Variants in MAP1S observed in about 807,000 individuals in gnomAD.
MAP1S encodes the protein microtubule-associated protein 1S.
Under a neutral mutation model 60.9 loss-of-function variants are expected in MAP1S, and 27 were observed. The ratio of observed to expected loss-of-function variants is 0.44; its 90% CI spans 0.33 to 0.61. MAP1S has a LOEUF of 0.61. Ranked by LOEUF, MAP1S falls within the 20% of genes least tolerant of loss-of-function variation. The pLI is 0.03. For missense variants in MAP1S, 1,608 were observed against 1,486.6 expected (o/e 1.08, Z -1.34); for synonymous variants, 826 against 694.2 (o/e 1.19, Z -2.98).
chr19:17,727,039 AGAAGAC>A lies in MAP1S; in HGVS notation c.1659_1664del (p.Lys553_Thr554del), dbSNP rs1484192468. ...GCAGCCTCTTCTGTGCCCAACCTCA[AGAAGAC>A]GAATGCCCAGGCGGCACCCAAGCCC... On this transcript the variant is annotated inframe_deletion, in exon 5 of 7. Coordinates refer to ENST00000324096, the MANE Select transcript of MAP1S (RefSeq NM_018174.6). The surrounding 1 kb of genome is among the most constrained non-coding windows in gnomAD (Gnocchi z 4.1). 6.2e-7 allele frequency: 1 copy of A among 1,605,794 alleles called. No individual in the cohort carries two copies. The highest frequency in any genetic ancestry group is 8.5e-7 in the Non-Finnish European group (1 of 1,177,154).
At chr19:17,723,815 A>T (rs541570897) in intron 2 of MAP1S, among the ~76,000 whole-genome samples, 179 of 152,258 alleles carry the variant, frequency 1.2e-3, no homozygotes, top group African/African-American at 3.8e-3. Context: ...AGATTGCACC[A>T]CTGCCCTCCA....
chr19:17,731,611 A>T (rs2080494046), intron 5 of MAP1S, among the ~76,000 whole-genome samples: 1 of 152,210 alleles, frequency 6.6e-6, no homozygotes, highest in East Asian at 1.9e-4. Flanking sequence ...GTTCATGTAT[A>T]GAAATTCAAC....
Position 17,727,193 on chromosome 19 carries a change from CCAGCTGGTGGCCACGCCCAGCCTG to C in MAP1S, c.1810_1833del (p.Gln604_Leu611del). On this transcript the variant is annotated inframe_deletion, in exon 5 of 7. Coordinates refer to ENST00000324096, the MANE Select transcript of MAP1S (RefSeq NM_018174.6). The surrounding 1 kb of genome is among the most constrained non-coding windows in gnomAD (Gnocchi z 4.1). ...GTGCAGCCTGCGGCTCTCCGGCCTCCCAGCTGGTGGCCACGCCCAGCCTGGAGCTGGGGCCGATCCCAGCCGGGG... is the reference window on the plus strand; with the variant it reads ...GTGCAGCCTGCGGCTCTCCGGCCTCCGAGCTGGGGCCGATCCCAGCCGGGG... 2 of 1,576,262 alleles carry C rather than the reference CCAGCTGGTGGCCACGCCCAGCCTG, an allele frequency of 1.3e-6. No individual in the cohort carries two copies. The highest frequency in any genetic ancestry group is 2.3e-5 in the South Asian group (2 of 87,360).
At position 17,725,793 on chromosome 19, in the gene MAP1S, C is replaced by T. The variant is rs1238538767; in HGVS notation, c.445-36C>T. On this transcript the variant is annotated intron_variant, in intron 4 of 6. Coordinates refer to ENST00000324096, the MANE Select transcript of MAP1S (RefSeq NM_018174.6). The surrounding 1 kb of genome is among the most constrained non-coding windows in gnomAD (Gnocchi z 4.2). ...TCCCACCGGGCTAGGTGTTGCCTGGCTCTAGGTGGTCCCTTACCACTCCTC... is the reference window on the plus strand; with the variant it reads ...TCCCACCGGGCTAGGTGTTGCCTGGTTCTAGGTGGTCCCTTACCACTCCTC... 3.8e-6 allele frequency: 6 copies of T among 1,582,466 alleles called. No homozygotes were observed. Among genetic ancestry groups the T allele is most frequent in the Non-Finnish European group, 5.2e-6 (6 of 1,164,440 alleles).
At chr19:17,722,804 A>G (rs2080383131) in intron 2 of MAP1S, among the ~76,000 whole-genome samples, 1 of 151,440 alleles carries the variant, frequency 6.6e-6, no homozygotes, top group African/African-American at 2.4e-5. Flanking sequence ...GGAGGGAGAG[A>G]GAGAGAGAAA....
chr19:17,720,769 G>T, intron 1 of MAP1S, 167 bp from the exon 2 acceptor site: 1 of 666,380 alleles, frequency 1.5e-6, no homozygotes, highest in Non-Finnish European at 2.6e-6. Context: ...GGGTCCCCTG[G>T]CTCAGCTGCA....
chr19:17,725,324 C>T lies in MAP1S; in HGVS notation c.444+135C>T. On this transcript the variant is annotated intron_variant, in intron 4 of 6. Coordinates refer to ENST00000324096, the MANE Select transcript of MAP1S (RefSeq NM_018174.6). The surrounding 1 kb of genome is among the most constrained non-coding windows in gnomAD (Gnocchi z 4.2). ...ATCCTCTGTAGGATGGCAGTGGTGA[C>T]ACATGCCTCCTGGCTGTCTGGGGTC... 3.7e-6 allele frequency: 4 copies of T among 1,069,080 alleles called. No homozygotes were observed. The highest frequency in any genetic ancestry group is 5.3e-6 in the Non-Finnish European group (4 of 754,998). 66.2% of individuals were successfully genotyped at this position (1,069,080 alleles called of 1,614,324 possible).
intron 5 of MAP1S, among the ~76,000 whole-genome samples, chr19:17,730,373 G>T (rs1022692609): frequency 6.6e-6 from 1 of 152,180 alleles, no homozygotes; most frequent in Non-Finnish European, 1.5e-5. Flanking sequence ...CTGGAGTGTA[G>T]TGCAAACACA....
At position 17,726,530 on chromosome 19, in the gene MAP1S, C is replaced by T. The variant is rs1164045820; in HGVS notation, c.1146C>T (p.Thr382=). 12 of 1,566,302 alleles carry T rather than the reference C, an allele frequency of 7.7e-6. No homozygotes were observed. The highest frequency in any genetic ancestry group is 4.0e-5 in the African/African-American group (3 of 74,230). The change falls in exon 5 of 7, where the codon ACC becomes ACT. Residue 382 remains threonine, a synonymous_variant. Transcript: ENST00000324096. ...GCGGCCCCGTGCCAGCCAAACCCAC[C>T]GTGCTCTTCGAGAAGATGGGCGTGG... ...LSRGPVPAKP[T]VLFEKMGVGR... is the part of the protein sequence containing the mutation.
chr19:17,724,011 G>T (rs1244372771), intron 2 of MAP1S, 115 bp from the exon 3 acceptor site: 2 of 726,344 alleles, frequency 2.8e-6, no homozygotes, highest in South Asian at 1.6e-5. Context: ...CAGCTCTGCC[G>T]TGCGCCTGTT....
At chr19:17,731,791 G>A (rs927089932) in intron 5 of MAP1S, among the ~76,000 whole-genome samples, 3 of 152,084 alleles carry the variant, frequency 2.0e-5, no homozygotes, top group African/African-American at 4.8e-5. Flanking sequence ...TCTGCCTCCC[G>A]AGTAGCTGGG....
chr19:17,726,276 C>T lies in MAP1S; in HGVS notation c.892C>T (p.Leu298Phe). 1 of 1,606,858 alleles carries T rather than the reference C, an allele frequency of 6.2e-7. No homozygotes were observed. Among genetic ancestry groups the T allele is most frequent in the Non-Finnish European group, 8.5e-7 (1 of 1,177,506 alleles). ...GGTGACCCACCCTGGCGCCGACAGC[C>T]TCCCCGGCCTCAACAGCCTGCTGCG... is the stretch of plus-strand genomic sequence containing the variant. The part of the protein sequence containing the change: ...VLVTHPGADS[L>F]PGLNSLLRRK... Residue 298 changes from leucine to phenylalanine, a missense_variant, in exon 5 of 7, where the codon CTC (leucine) becomes TTC (phenylalanine). This residue lies in a region of MAP1S where 320 missense variants were observed against 393.1 expected (regional missense o/e 0.81). Transcript: ENST00000324096.
chr19:17,725,146 G>C lies in MAP1S; in HGVS notation c.401G>C (p.Gly134Ala), dbSNP rs1254691166. The C allele has an allele frequency of 1.2e-6, 2 of 1,614,104 alleles. No individual in the cohort carries two copies. The highest frequency in any genetic ancestry group is 1.7e-5 in the Admixed American group (1 of 59,994). ...GGGGAGCTGCTGCTACAGACAGGGG[G>C]CTTCTCGCCTCACCACTTCCTCCAG... is the stretch of plus-strand genomic sequence containing the variant. ...ETGELLLQTG[G>A]FSPHHFLQVL... is the part of the protein sequence containing the mutation. Residue 134 changes from glycine (G) to alanine (A), a missense_variant, in exon 4 of 7, where the codon GGC (glycine) becomes GCC (alanine). Coordinates refer to ENST00000324096, the MANE Select transcript of MAP1S (RefSeq NM_018174.6). The surrounding 1 kb of genome is among the most constrained non-coding windows in gnomAD (Gnocchi z 4.2).
intron 2 of MAP1S, among the ~76,000 whole-genome samples, chr19:17,723,439 T>G (rs868151879): frequency 2.4e-4 from 36 of 152,108 alleles, no homozygotes; most frequent in Middle Eastern, 3.4e-3. Context: ...TCCCAGCTAC[T>G]CGGGAGGCTG....
chr19:17,724,087 G>A, intron 2 of MAP1S, 39 bp from the exon 3 acceptor site: 1 of 1,545,576 alleles, frequency 6.5e-7, no homozygotes. Context: ...CACACGGGGA[G>A]GCAGGATTTG....
At position 17,727,029 on chromosome 19, in the gene MAP1S, C is replaced by G; in HGVS notation, c.1645C>G (p.Pro549Ala). 1.2e-6 allele frequency: 2 copies of G among 1,602,726 alleles called. No homozygotes were observed. The highest frequency in any genetic ancestry group is 1.7e-6 in the Non-Finnish European group (2 of 1,175,656). ...REVRRAASSVPNLKKTNAQAA... is the reference protein window; with the variant it reads ...REVRRAASSVANLKKTNAQAA... ...GGTGCGCCGGGCAGCCTCTTCTGTG[C>G]CCAACCTCAAGAAGACGAATGCCCA... Residue 549 changes from proline (P) to alanine (A), a missense_variant, in exon 5 of 7, where the codon CCC (proline) becomes GCC (alanine). This residue lies in a region of MAP1S where 1,167 missense variants were observed against 961.4 expected (regional missense o/e 1.21). Transcript: ENST00000324096. This position sits in a 1 kb window ranked among gnomAD's most constrained non-coding sequence, Gnocchi z 4.1.
Position 17,727,054 on chromosome 19 carries a change from A to C in MAP1S, c.1670A>C (p.Gln557Pro). The C allele has an allele frequency of 6.2e-7, 1 of 1,606,122 alleles. No homozygotes were observed. The highest frequency in any genetic ancestry group is 8.5e-7 in the Non-Finnish European group (1 of 1,177,540). Residue 557 changes from glutamine to proline, a missense_variant, in exon 5 of 7, where the codon CAG (glutamine) becomes CCG (proline). This residue lies in a region of MAP1S where 1,167 missense variants were observed against 961.4 expected (regional missense o/e 1.21). Transcript: ENST00000324096. This position sits in a 1 kb window ranked among gnomAD's most constrained non-coding sequence, Gnocchi z 4.1. ...CCCAACCTCAAGAAGACGAATGCCC[A>C]GGCGGCACCCAAGCCCCGCAAAGCG... ...SVPNLKKTNAQAAPKPRKAPS... is the reference protein window; with the variant it reads ...SVPNLKKTNAPAAPKPRKAPS...
chr19:17,726,843 C>G lies in MAP1S; in HGVS notation c.1459C>G (p.Leu487Val). The change falls in exon 5 of 7, where the codon CTC (leucine) becomes GTC (valine). Residue 487 changes from leucine to valine, a missense_variant. By Grantham distance (32) the Leu-to-Val change is conservative. Coordinates refer to ENST00000324096, the MANE Select transcript of MAP1S (RefSeq NM_018174.6). ...CCGGGACAGCTCGAAGAGAGAGGGCCTCCTGGCCACCCACCCTAGACCTGG... is the reference window on the plus strand; with the variant it reads ...CCGGGACAGCTCGAAGAGAGAGGGCGTCCTGGCCACCCACCCTAGACCTGG... ...GSRDSSKREG[L>V]LATHPRPGQE... 6.4e-7 allele frequency: 1 copy of G among 1,554,328 alleles called. No homozygotes were observed. Among genetic ancestry groups the G allele is most frequent in the African/African-American group, 1.4e-5 (1 of 73,304 alleles).
intron 1 of MAP1S, 105 bp downstream of exon 1, chr19:17,719,725 C>A: frequency 2.9e-6 from 1 of 347,498 alleles, no homozygotes. Flanking sequence ...GCGGCGGGAC[C>A]CGGGCTCCGG....
Sources: allele counts gnomAD v4.1 joint callset (sites outside exome capture counted in the v4.1 genomes callset), GRCh38; gene constraint gnomAD v4.1.1; regional missense constraint gnomAD v4.1.1; non-coding constraint Gnocchi (gnomAD v3.1); transcripts MANE v1.5; gene names NCBI Gene and HGNC (gene_info 2026-07-23, HGNC 2026-07-21).